IP6K1: variants seen among roughly 807,000 people sequenced by gnomAD.
IP6K1 encodes the protein ATP:1D-myo-inositol-hexakisphosphate phosphotransferase.
IP6K1 carries 13 observed loss-of-function variants against 38.3 expected under a neutral mutation model. The observed-to-expected ratio is 0.34, with a 90% CI of 0.22 to 0.54. IP6K1 has a LOEUF of 0.54. IP6K1 is among the 20% of genes least tolerant of loss of function. The pLI, the probability that IP6K1 is intolerant of heterozygous loss-of-function variation, is 0.92. For missense variants in IP6K1, 397 were observed against 599.8 expected, an observed-to-expected ratio of 0.66 and a Z score of 3.53; for synonymous variants, 212 against 229.9, an observed-to-expected ratio of 0.92 and a Z score of 0.70.
rs2080738556 is a variant in IP6K1, at chr3:49,748,056, T to C, written c.-16A>G. ...AAACACACATTGCGTTGGGGGCCAG[T>C]TGCACACTGAGGGCAGAGGATGCAG... On this transcript the variant is annotated 5_prime_UTR_variant, in exon 2 of 6. Transcript: ENST00000321599. The C allele has an allele frequency of 3.1e-6, 5 of 1,612,266 alleles. No individual in the cohort carries two copies. Among genetic ancestry groups the C allele is most frequent in the South Asian group, 1.1e-5 (1 of 91,002 alleles).
At chr3:49,745,388 T>TGA (rs2080711292) in intron 2 of IP6K1, among the ~76,000 whole-genome samples, 1 of 152,192 alleles carries the variant, frequency 6.6e-6, no homozygotes, top group Non-Finnish European at 1.5e-5. Flanking sequence ...TTAAAAAGCT[T>TGA]GAGATGTCCT....
chr3:49,750,399 G>C (rs78785182), intron 1 of IP6K1, among the ~76,000 whole-genome samples: 507 of 152,266 alleles, frequency 3.3e-3, no homozygotes, highest in Non-Finnish European at 4.6e-3. Flanking sequence ...TGCAGGAGGA[G>C]AGTCAAGGAA....
At chr3:49,779,198 T>C (rs1365663200) in intron 1 of IP6K1, among the ~76,000 whole-genome samples, 1 of 152,208 alleles carries the variant, frequency 6.6e-6, no homozygotes, top group African/African-American at 2.4e-5. Flanking sequence ...TTGCCTATTC[T>C]GGATATTTCA....
At chr3:49,769,688 C>G (rs920987932) in intron 1 of IP6K1, among the ~76,000 whole-genome samples, 1 of 152,170 alleles carries the variant, frequency 6.6e-6, no homozygotes, top group Non-Finnish European at 1.5e-5. Flanking sequence ...GCAGAAGTGA[C>G]AGTGTATGAC....
rs375354703 is a variant in IP6K1 at position 49,783,465 on chromosome 3, C to G, written c.-129+2889G>C. Among the ~76,000 whole-genome samples, 17 of 152,064 alleles carry G rather than the reference C, an allele frequency of 1.1e-4. No individual in the cohort carries two copies. In the East Asian group the frequency reaches 2.3e-3, roughly 21 times the overall value. On this transcript the variant is annotated intron_variant, in intron 1 of 5. Coordinates refer to ENST00000321599, the MANE Select transcript of IP6K1 (RefSeq NM_153273.4). ...CAGTAGCTCTCGCCTGTAATCCCAGCACTTTGGGAGGCCGAGGTAGACGGA... is the reference window on the plus strand; with the variant it reads ...CAGTAGCTCTCGCCTGTAATCCCAGGACTTTGGGAGGCCGAGGTAGACGGA...
At chr3:49,765,399 T>C (rs2108253124) in intron 1 of IP6K1, among the ~76,000 whole-genome samples, 1 of 150,676 alleles carries the variant, frequency 6.6e-6, no homozygotes, top group East Asian at 1.9e-4. Context: ...CCCAGCACTT[T>C]GGGAGGCCGC....
At chr3:49,772,355 T>A (rs948009446) in intron 1 of IP6K1, among the ~76,000 whole-genome samples, 8 of 147,722 alleles carry the variant, frequency 5.4e-5, no homozygotes, top group Non-Finnish European at 1.2e-4. Flanking sequence ...ATATATAAAA[T>A]ATATATATAT....
intron 1 of IP6K1, among the ~76,000 whole-genome samples, chr3:49,754,013 T>C (rs2080800791): frequency 6.6e-6 from 1 of 151,982 alleles, no homozygotes; most frequent in Non-Finnish European, 1.5e-5. Flanking sequence ...TTATCAATGA[T>C]ACAAAAGAGA....
rs558553817 is a variant in IP6K1, at chr3:49,727,870, T to C, written c.793-215A>G. On this transcript the variant is annotated intron_variant, in intron 5 of 5. Transcript: ENST00000321599. The surrounding 1 kb of genome is among the most constrained non-coding windows in gnomAD (Gnocchi z 5.9). ...GCCTATGGGTTCCCTGCCCCCAGCT[T>C]TGGAGCCCTCCTCCAACATCGGAAC... is the stretch of plus-strand genomic sequence containing the variant. Among the ~76,000 whole-genome samples the C allele has an allele frequency of 3.0e-4, 46 of 152,340 alleles. No homozygotes were observed. The highest frequency in any genetic ancestry group is 1.6e-3 in the Admixed American group (24 of 15,302).
At chr3:49,782,775 C>T (rs1011647864) in intron 1 of IP6K1, among the ~76,000 whole-genome samples, 1 of 151,820 alleles carries the variant, frequency 6.6e-6, no homozygotes, top group African/African-American at 2.4e-5. Context: ...TGTGTCACTA[C>T]ACTCCAGCCT....
At chr3:49,773,405 T>C (rs1559715106) in intron 1 of IP6K1, among the ~76,000 whole-genome samples, 1 of 152,088 alleles carries the variant, frequency 6.6e-6, no homozygotes, top group Non-Finnish European at 1.5e-5. Context: ...GGTCAGGATA[T>C]CGAGACCATC....
intron 2 of IP6K1, among the ~76,000 whole-genome samples, chr3:49,739,342 T>C (rs1441169238): frequency 6.8e-6 from 1 of 147,552 alleles, no homozygotes; most frequent in Non-Finnish European, 1.5e-5. Flanking sequence ...AGAATAATTA[T>C]TGGCTTAAAG....
At chr3:49,768,075 A>G (rs1223012879) in intron 1 of IP6K1, among the ~76,000 whole-genome samples, 1 of 152,158 alleles carries the variant, frequency 6.6e-6, no homozygotes, top group Non-Finnish European at 1.5e-5. Flanking sequence ...TGGCAAGGAT[A>G]TGAAGAAATT....
chr3:49,727,800 C>G lies in IP6K1; in HGVS notation c.793-145G>C, dbSNP rs914011720. ...TAAGTGGAACCAGGCAGGCCACATT[C>G]ACCCTGGGTTTTCCCATTGCAGAAC... On this transcript the variant is annotated intron_variant, in intron 5 of 5. Coordinates refer to ENST00000321599, the MANE Select transcript of IP6K1 (RefSeq NM_153273.4). This position sits in a 1 kb window ranked among gnomAD's most constrained non-coding sequence, Gnocchi z 5.9. 1.2e-6 allele frequency: 1 copy of G among 861,568 alleles called. No homozygotes were observed. The highest frequency in any genetic ancestry group is 1.8e-6 in the Non-Finnish European group (1 of 569,780). 53.4% of individuals were successfully genotyped at this position (861,568 alleles called of 1,614,324 possible).
At chr3:49,785,183 T>C (rs1553698122) in intron 1 of IP6K1, among the ~76,000 whole-genome samples, 2 of 152,116 alleles carry the variant, frequency 1.3e-5, no homozygotes, top group Non-Finnish European at 2.9e-5. Flanking sequence ...TGAAGGTGTT[T>C]TCACTGAGCA....
In IP6K1 at chr3:49,725,513, C is replaced by T. The variant is rs931118980; in HGVS notation, c.*1609G>A. 1.3e-5 allele frequency: 2 copies of T among 152,538 alleles called. No homozygotes were observed. The highest frequency in any genetic ancestry group is 2.4e-5 in the African/African-American group (1 of 41,468). 9.4% of individuals were successfully genotyped at this position (152,538 alleles called of 1,614,324 possible). A position where few individuals can be genotyped will look rare whatever the true frequency, so the allele number is the denominator to read the frequency against. On this transcript the variant is annotated 3_prime_UTR_variant, in exon 6 of 6. Transcript: ENST00000321599. ...TCAAGGAGCCCTTAAGAGGCTGCATCTTTAAGGACCAGGAAATGAGTCCAT... is the reference window on the plus strand; with the variant it reads ...TCAAGGAGCCCTTAAGAGGCTGCATTTTTAAGGACCAGGAAATGAGTCCAT...
chr3:49,734,735 T>C lies in IP6K1; in HGVS notation c.435-1763A>G, dbSNP rs2080592193. On this transcript the variant is annotated intron_variant, in intron 3 of 5. Transcript: ENST00000321599. The stretch of plus-strand genomic sequence containing the variant: ...AGATGCCTTTTTTTGTGAAACCCTT[T>C]AGGAAACAGAAAGGTTGACTTATTT... Among the ~76,000 whole-genome samples the C allele has an allele frequency of 3.3e-5, 5 of 152,178 alleles. No individual in the cohort carries two copies. In the South Asian group the frequency reaches 1.0e-3, roughly 32 times the overall value.
At chr3:49,748,951 A>T (rs1209514333) in intron 1 of IP6K1, 1 of 152,482 alleles carries the variant, frequency 6.6e-6, no homozygotes, top group Non-Finnish European at 1.5e-5. Flanking sequence ...AGACAGTGAC[A>T]GATCATCAGG....
chr3:49,786,012 G>A (rs1272220272), intron 1 of IP6K1: 2 of 152,304 alleles, frequency 1.3e-5, no homozygotes, highest in Non-Finnish European at 2.9e-5. Flanking sequence ...TTCTCAGCCA[G>A]GAGCAACATA....
Sources: gnomAD v4.1 joint callset for allele counts (sites outside exome capture counted in the v4.1 genomes callset) on GRCh38, gnomAD v4.1.1 for gene constraint, Gnocchi (gnomAD v3.1) non-coding constraint, MANE v1.5 for transcripts, NCBI Gene and HGNC (gene_info 2026-07-23, HGNC 2026-07-21) for gene names.